GJB5: variants seen among roughly 807,000 people sequenced by gnomAD.
The protein encoded by GJB5 is gap junction protein beta 5, also known as gap junction beta-5 protein.
For missense variants in GJB5, 333 were observed against 357.9 expected (o/e 0.93, Z 0.56); for synonymous variants, 146 against 145.5 (o/e 1.00, Z -0.02).
chr1:34,757,258 A>T, intron 1 of GJB5, 49 bp from the exon 2 acceptor site: 1 of 1,061,294 alleles, frequency 9.4e-7, no homozygotes, highest in Non-Finnish European at 1.4e-6. Context: ...AAGTGCTCAG[A>T]GCAAGTCTGT....
chr1:34,758,264 G>C lies in GJB5; in HGVS notation c.*112G>C. ...TAAGCCATGAGGTAGGGGCAGGCAAGAGAGAGGATTCAGACGCTCTGGGAG... is the reference window on the plus strand; with the variant it reads ...TAAGCCATGAGGTAGGGGCAGGCAACAGAGAGGATTCAGACGCTCTGGGAG... On this transcript the variant is annotated 3_prime_UTR_variant, in exon 2 of 2. Transcript: ENST00000338513. The C allele has an allele frequency of 1.2e-6, 1 of 807,074 alleles. No individual in the cohort carries two copies. Among genetic ancestry groups the C allele is most frequent in the Non-Finnish European group, 2.0e-6 (1 of 502,932 alleles). 50.0% of individuals were successfully genotyped at this position (807,074 alleles called of 1,614,324 possible).
At chr1:34,755,385 C>T (rs920458608) in intron 1 of GJB5, among the ~76,000 whole-genome samples, 190 bp downstream of exon 1, 2 of 152,138 alleles carry the variant, frequency 1.3e-5, no homozygotes, top group South Asian at 2.1e-4. Flanking sequence ...GGGGCCAGGC[C>T]GGAAGCTCAG....
intron 1 of GJB5, among the ~76,000 whole-genome samples, chr1:34,756,713 T>TTGGTCATGCTTCAGA (rs3835620): frequency 6.6e-6 from 1 of 151,920 alleles, no homozygotes; most frequent in Non-Finnish European, 1.5e-5. Context: ...CTGGATTGCA[T>TTGGTCATGCTTCAGA]TGAGTGGCAC....
chr1:34,758,473 C>T lies in GJB5; in HGVS notation c.*321C>T. The T allele has an allele frequency of 2.6e-6, 1 of 380,910 alleles. No homozygotes were observed. The highest frequency in any genetic ancestry group is 5.2e-5 in the East Asian group (1 of 19,120). The allele number at this position is 380,910 out of a possible 1,614,324, so 23.6% of individuals were successfully genotyped here. ...TGCGGGCACCTTCATCGTGTGTGGC[C>T]CACTGTCAGAACTTAATAAAAGTCA... On this transcript the variant is annotated 3_prime_UTR_variant, in exon 2 of 2. Coordinates refer to ENST00000338513, the MANE Select transcript of GJB5 (RefSeq NM_005268.4).
Position 34,758,301 on chromosome 1 carries a change from T to A in GJB5, c.*149T>A. On this transcript the variant is annotated 3_prime_UTR_variant, in exon 2 of 2. Coordinates refer to ENST00000338513, the MANE Select transcript of GJB5 (RefSeq NM_005268.4). Reference sequence around the variant, plus strand: ...AGACGCTCTGGGAGCCAGTTCCTAGTCCTCAACTCCAGCCACCTGCCCCAG... The same window carrying A: ...AGACGCTCTGGGAGCCAGTTCCTAGACCTCAACTCCAGCCACCTGCCCCAG... 4.6e-6 allele frequency: 3 copies of A among 646,550 alleles called. No homozygotes were observed. Among genetic ancestry groups the A allele is most frequent in the Non-Finnish European group, 8.2e-6 (3 of 365,294 alleles). The allele number at this position is 646,550 out of a possible 1,614,324, so 40.1% of individuals were successfully genotyped here. A position where few individuals can be genotyped will look rare whatever the true frequency, so the allele number is the denominator to read the frequency against.
rs568662790 is a variant in GJB5 at position 34,757,271 on chromosome 1, TA to T, written c.-24-33del. 467 of 1,170,274 alleles carry T rather than the reference TA, an allele frequency of 4.0e-4. 1 individual carries two copies. In the East Asian group the frequency reaches 5.2e-3, roughly 13 times the overall value. 72.5% of individuals were successfully genotyped at this position (1,170,274 alleles called of 1,614,324 possible). ...CAAAGTGCTCAGAGCAAGTCTGTGATAAATGTAGGAAATGATTGTTCTTGTT... is the reference window on the plus strand; with the variant it reads ...CAAAGTGCTCAGAGCAAGTCTGTGATAATGTAGGAAATGATTGTTCTTGTT... On this transcript the variant is annotated intron_variant, in intron 1 of 1. Coordinates refer to ENST00000338513, the MANE Select transcript of GJB5 (RefSeq NM_005268.4).
chr1:34,756,165 T>C (rs1224915812), intron 1 of GJB5, among the ~76,000 whole-genome samples: 1 of 152,072 alleles, frequency 6.6e-6, no homozygotes, highest in Non-Finnish European at 1.5e-5. Context: ...GCACAGTTGG[T>C]TGAAACCACA....
Position 34,757,288 on chromosome 1 carries a change from T to C in GJB5, c.-24-19T>C. 1 of 1,309,732 alleles carries C rather than the reference T, an allele frequency of 7.6e-7. No individual in the cohort carries two copies. Among genetic ancestry groups the C allele is most frequent in the Non-Finnish European group, 1.1e-6 (1 of 913,216 alleles). 81.1% of individuals were successfully genotyped at this position (1,309,732 alleles called of 1,614,324 possible). ...GTCTGTGATAAATGTAGGAAATGAT[T>C]GTTCTTGTTTCCCTGCAGTAGCAGC... On this transcript the variant is annotated intron_variant, in intron 1 of 1. Coordinates refer to ENST00000338513, the MANE Select transcript of GJB5 (RefSeq NM_005268.4).
Position 34,757,742 on chromosome 1 carries a change from A to C in GJB5, c.412A>C (p.Lys138Gln), listed in dbSNP as rs1247015059. ...GACATATGTCTGCAGCCTAGTGTTCAAGGCGAGCGTGGACATCGCCTTTCT... is the reference window on the plus strand; with the variant it reads ...GACATATGTCTGCAGCCTAGTGTTCCAGGCGAGCGTGGACATCGCCTTTCT... Reference protein sequence around the residue: ...WWTYVCSLVFKASVDIAFLYV... With the variant: ...WWTYVCSLVFQASVDIAFLYV... Residue 138 changes from lysine to glutamine, a missense_variant, in exon 2 of 2, where the codon AAG (lysine) becomes CAG (glutamine). By Grantham distance (53) the Lys-to-Gln change is moderately conservative. Coordinates refer to ENST00000338513, the MANE Select transcript of GJB5 (RefSeq NM_005268.4). 7 of 1,613,822 alleles carry C rather than the reference A, an allele frequency of 4.3e-6. No individual in the cohort carries two copies. The highest frequency in any genetic ancestry group is 2.5e-6 in the Non-Finnish European group (3 of 1,179,998).
intron 1 of GJB5, among the ~76,000 whole-genome samples, chr1:34,756,042 T>C (rs544398134): frequency 2.8e-4 from 43 of 152,326 alleles, no homozygotes; most frequent in African/African-American, 1.0e-3. Flanking sequence ...TGCTTTGCAG[T>C]TGATCATGCA....
In GJB5 at chr1:34,757,318, G is replaced by C. The variant is rs375571058; in HGVS notation, c.-13G>C. On this transcript the variant is annotated 5_prime_UTR_variant, in exon 2 of 2. Transcript: ENST00000338513. ...TTGTTTCCCTGCAGTAGCAGCTGAC[G>C]CGTGGGTCCACCATGAACTGGAGTA... 6.4e-7 allele frequency: 1 copy of C among 1,574,102 alleles called. No individual in the cohort carries two copies. Among genetic ancestry groups the C allele is most frequent in the South Asian group, 1.1e-5 (1 of 90,010 alleles).
intron 1 of GJB5, among the ~76,000 whole-genome samples, chr1:34,757,015 C>A (rs1639598512): frequency 6.6e-6 from 1 of 152,214 alleles, no homozygotes; most frequent in South Asian, 2.1e-4. Flanking sequence ...GAGCCTCAGG[C>A]CCGGGGAGGA....
Position 34,757,420 on chromosome 1 carries a change from C to A in GJB5, c.90C>A (p.Ile30=), listed in dbSNP as rs1639611187. ...GCATCTGGCTGTCTCTGGTCTTCAT[C>A]TTCCGCGTGCTGGTGTACCTGGTGA... is the stretch of plus-strand genomic sequence containing the variant. ...FGRIWLSLVF[I]FRVLVYLVTA... The change falls in exon 2 of 2, where the codon ATC becomes ATA. Residue 30 remains isoleucine, a synonymous_variant. Coordinates refer to ENST00000338513, the MANE Select transcript of GJB5 (RefSeq NM_005268.4). 2.5e-6 allele frequency: 4 copies of A among 1,614,102 alleles called. No individual in the cohort carries two copies. In the Admixed American group the frequency reaches 6.7e-5, roughly 27 times the overall value.
chr1:34,757,669 T>G lies in GJB5; in HGVS notation c.339T>G (p.Ser113Arg), dbSNP rs1369127037. 6.2e-7 allele frequency: 1 copy of G among 1,613,684 alleles called. No individual in the cohort carries two copies. Among genetic ancestry groups the G allele is most frequent in the South Asian group, 1.1e-5 (1 of 91,020 alleles). Residue 113 changes from serine to arginine, a missense_variant, in exon 2 of 2, where the codon AGT becomes AGG. By Grantham distance (110) the Ser-to-Arg change is moderately radical. Coordinates refer to ENST00000338513, the MANE Select transcript of GJB5 (RefSeq NM_005268.4). ...ACCGAGAAGCCCATGGGGAGAACAG[T>G]GGGCGCCTCTACCTGAACCCCGGCA... is the stretch of plus-strand genomic sequence containing the variant. Reference protein sequence around the residue: ...KRHREAHGENSGRLYLNPGKK... With the variant: ...KRHREAHGENRGRLYLNPGKK...
chr1:34,756,948 G>T (rs1293586434), intron 1 of GJB5, among the ~76,000 whole-genome samples: 1 of 152,180 alleles, frequency 6.6e-6, no homozygotes, highest in African/African-American at 2.4e-5. Context: ...TGAAACAGAG[G>T]GAGCAGGCAG....
Position 34,757,861 on chromosome 1 carries a change from C to G in GJB5, c.531C>G (p.Ile177Met). 6.2e-7 allele frequency: 1 copy of G among 1,614,016 alleles called. No individual in the cohort carries two copies. Among genetic ancestry groups the G allele is most frequent in the South Asian group, 1.1e-5 (1 of 91,072 alleles). ...DPCPNIVDCF[I>M]SKPSEKNIFT... ...GTCCCAATATAGTGGACTGCTTCAT[C>G]TCCAAGCCCTCAGAGAAGAACATTT... is the stretch of plus-strand genomic sequence containing the variant. The change falls in exon 2 of 2, where the codon ATC (isoleucine) becomes ATG (methionine). Residue 177 changes from isoleucine to methionine, a missense_variant. By Grantham distance (10) the Ile-to-Met change is conservative. Transcript: ENST00000338513.
rs1571564829 is a variant in GJB5 at position 34,757,640 on chromosome 1, A to G, written c.310A>G (p.Arg104Gly). Residue 104 changes from arginine (R) to glycine (G), a missense_variant, in exon 2 of 2, where the codon AGG becomes GGG. Coordinates refer to ENST00000338513, the MANE Select transcript of GJB5 (RefSeq NM_005268.4). ...HVAYREVQEK[R>G]HREAHGENSG... Reference sequence around the variant, plus strand: ...GGCCTACCGGGAGGTTCAGGAGAAGAGGCACCGAGAAGCCCATGGGGAGAA... The same window carrying G: ...GGCCTACCGGGAGGTTCAGGAGAAGGGGCACCGAGAAGCCCATGGGGAGAA... 1 of 1,614,014 alleles carries G rather than the reference A, an allele frequency of 6.2e-7. No homozygotes were observed. The highest frequency in any genetic ancestry group is 2.2e-5 in the East Asian group (1 of 44,854).
At chr1:34,755,458 G>C (rs1405175994) in intron 1 of GJB5, among the ~76,000 whole-genome samples, 2 of 152,264 alleles carry the variant, frequency 1.3e-5, no homozygotes, top group Admixed American at 6.5e-5. Context: ...AGTAGGGATG[G>C]GCTGGGTGAG....
At position 34,757,476 on chromosome 1, in the gene GJB5, A is replaced by G. The variant is rs1639613340; in HGVS notation, c.146A>G (p.Lys49Arg). 1 of 1,614,090 alleles carries G rather than the reference A, an allele frequency of 6.2e-7. No homozygotes were observed. Among genetic ancestry groups the G allele is most frequent in the Non-Finnish European group, 8.5e-7 (1 of 1,180,008 alleles). ...TAERVWSDDH[K>R]DFDCNTRQPG... ...GAGCGTGTGTGGAGTGATGACCACA[A>G]GGACTTCGACTGCAATACTCGCCAG... The change falls in exon 2 of 2, where the codon AAG (lysine) becomes AGG (arginine). Residue 49 changes from lysine (K) to arginine (R), a missense_variant. Lys to Arg is a conservative substitution (Grantham distance 26). Transcript: ENST00000338513.
Sources: allele counts gnomAD v4.1 joint callset (sites outside exome capture counted in the v4.1 genomes callset), GRCh38; gene constraint gnomAD v4.1.1; transcripts MANE v1.5; gene names NCBI Gene and HGNC (gene_info 2026-07-23, HGNC 2026-07-21).